Variants in SCFD2 observed in about 807,000 individuals in gnomAD.
SCFD2 encodes the protein sec1 family domain containing 2, also known as sec1 family domain-containing protein 2.
Under a neutral mutation model 58.9 loss-of-function variants are expected in SCFD2, and 54 were observed. The observed-to-expected ratio is 0.92, with a 90% CI of 0.74 to 1.15. The LOEUF (loss-of-function observed/expected upper bound fraction) is 1.15, where lower values mean the gene tolerates loss of function less well. Ranked by LOEUF, SCFD2 falls within the 50% of genes most tolerant of loss-of-function variation. The pLI is 0.00. For synonymous variants in SCFD2, 321 were observed against 335.9 expected (o/e 0.96, Z 0.49); for missense variants, 805 against 836.6 (o/e 0.96, Z 0.47).
intron 4 of SCFD2, among the ~76,000 whole-genome samples, chr4:53,151,081 A>C (rs1356885922): frequency 2.0e-5 from 3 of 152,206 alleles, no homozygotes; most frequent in Non-Finnish European, 4.4e-5. Context: ...GGTTGGAAAG[A>C]GAATTAGACC....
At chr4:52,922,228 A>G (rs1181294643) in intron 5 of SCFD2, among the ~76,000 whole-genome samples, 4 of 152,222 alleles carry the variant, frequency 2.6e-5, no homozygotes, top group Admixed American at 2.0e-4. Context: ...TTACCCATTT[A>G]AAGTATAAAA....
At chr4:53,314,605 G>A (rs1233150428) in intron 2 of SCFD2, among the ~76,000 whole-genome samples, 1 of 152,098 alleles carries the variant, frequency 6.6e-6, no homozygotes, top group Non-Finnish European at 1.5e-5. Flanking sequence ...TCCAATTAAA[G>A]CCCTACTCAC....
chr4:53,307,573 G>C (rs1258229804), intron 3 of SCFD2, among the ~76,000 whole-genome samples: 4 of 152,172 alleles, frequency 2.6e-5, no homozygotes, highest in Admixed American at 1.3e-4. Flanking sequence ...TTAACATACA[G>C]AATTGTTAAG....
chr4:53,302,213 G>T (rs1410523808), intron 3 of SCFD2, among the ~76,000 whole-genome samples: 1 of 152,142 alleles, frequency 6.6e-6, no homozygotes, highest in Non-Finnish European at 1.5e-5. Flanking sequence ...CATCATCTGA[G>T]CCCAAAATCT....
chr4:53,278,884 T>TAAAAAAAAAAAAAAAAAAAAAAAAA (rs1407598335), intron 3 of SCFD2, among the ~76,000 whole-genome samples: 1 of 111,470 alleles, frequency 9.0e-6, no homozygotes. Context: ...ACAGATGCTC[T>TAAAAAAAAAAAAAAAAAAAAAAAAA]AAAAAAAAAA....
intron 4 of SCFD2, among the ~76,000 whole-genome samples, chr4:53,153,277 A>G (rs1193027671): frequency 6.6e-6 from 1 of 152,184 alleles, no homozygotes; most frequent in African/African-American, 2.4e-5. Flanking sequence ...TTTCCAATAC[A>G]TCTTCTGAAA....
rs146155768 is a variant in SCFD2 at position 53,037,566 on chromosome 4, T to C, written c.1561+107767A>G. ...AATGAGTTTCAGCAATAATTTGAAA[T>C]GGAAACTTGATTCTGAGTACATTAT... On this transcript the variant is annotated intron_variant, in intron 5 of 8. Coordinates refer to ENST00000401642, the MANE Select transcript of SCFD2 (RefSeq NM_152540.4). Among the ~76,000 whole-genome samples, 189 of 152,246 alleles carry C rather than the reference T, an allele frequency of 1.2e-3. 1 individual carries two copies. The highest frequency in any genetic ancestry group is 4.3e-3 in the African/African-American group (180 of 41,548).
At chr4:53,263,037 T>C (rs2149056299) in intron 4 of SCFD2, among the ~76,000 whole-genome samples, 1 of 152,258 alleles carries the variant, frequency 6.6e-6, no homozygotes, top group South Asian at 2.1e-4. Context: ...GCTTGTTCAA[T>C]TTTATTGCTG....
intron 1 of SCFD2, among the ~76,000 whole-genome samples, chr4:53,358,963 T>G (rs963763160): frequency 1.4e-4 from 22 of 152,200 alleles, no homozygotes; most frequent in African/African-American, 5.3e-4. Context: ...ATTTAAGCCC[T>G]GAGTGCTTAT....
intron 5 of SCFD2, chr4:52,957,157 A>C (rs1373136071): frequency 6.6e-6 from 1 of 152,010 alleles, no homozygotes; most frequent in Non-Finnish European, 1.5e-5. Flanking sequence ...TGTAAACATA[A>C]GGGTTGGAAA....
intron 4 of SCFD2, among the ~76,000 whole-genome samples, chr4:53,255,225 A>ATTTATTTATTTAT (rs1454024490): frequency 1.4e-5 from 2 of 147,760 alleles, no homozygotes. Context: ...TTATTTATTT[A>ATTTATTTATTTAT]TTTTTTATGG....
intron 6 of SCFD2, among the ~76,000 whole-genome samples, chr4:52,914,287 T>C (rs1245286731): frequency 6.6e-6 from 1 of 152,050 alleles, no homozygotes; most frequent in South Asian, 2.1e-4. Context: ...ATAATGATTC[T>C]TGAATAATAA....
intron 5 of SCFD2, among the ~76,000 whole-genome samples, chr4:53,113,940 T>TGTAAGAAA (rs1725246972): frequency 6.6e-6 from 1 of 152,090 alleles, no homozygotes; most frequent in African/African-American, 2.4e-5. Context: ...TTCTCACTGT[T>TGTAAGAAA]TTAGTATAAT....
rs535636806 is a variant in SCFD2 at position 52,927,312 on chromosome 4, T to C, written c.1562-6442A>G. On this transcript the variant is annotated intron_variant, in intron 5 of 8. Transcript: ENST00000401642. ...TGATGACAGACTAAGGTAATTTTTT[T>C]TTTTTTAGTATTGTCTGCTGATTAG... is the stretch of plus-strand genomic sequence containing the variant. 2.0e-5 allele frequency among the ~76,000 whole-genome samples: 3 copies of C among 152,344 alleles called. No individual in the cohort carries two copies. The South Asian group carries it at 6.2e-4, about 32-fold the overall frequency.
chr4:53,072,926 C>A (rs1360997129), intron 5 of SCFD2, among the ~76,000 whole-genome samples: 1 of 152,066 alleles, frequency 6.6e-6, no homozygotes, highest in Non-Finnish European at 1.5e-5. Context: ...CTTCATTAGT[C>A]CCTGAGATGT....
At chr4:53,150,571 G>A (rs1343636217) in intron 4 of SCFD2, among the ~76,000 whole-genome samples, 1 of 152,196 alleles carries the variant, frequency 6.6e-6, no homozygotes. Flanking sequence ...TTTAAAGGCA[G>A]AAGATAGAAT....
At chr4:53,350,526 A>T (rs1734184510) in intron 2 of SCFD2, among the ~76,000 whole-genome samples, 1 of 152,190 alleles carries the variant, frequency 6.6e-6, no homozygotes, top group Non-Finnish European at 1.5e-5. Flanking sequence ...TTATTGCTTA[A>T]ATTAGCCAAA....
rs756696217 is a variant in SCFD2, at chr4:52,907,540, C to T, written c.1759G>A (p.Glu587Lys). The change falls in exon 7 of 9, where the codon GAG becomes AAG. Residue 587 changes from glutamate to lysine, a missense_variant. Physicochemically the swap from Glu to Lys is moderately conservative, Grantham distance 56. Around this residue, in one of 3 missense-constraint regions of SCFD2, gnomAD observed 633 missense variants for 646.8 expected, o/e 0.98. Transcript: ENST00000401642. ...TCAATATCAACGGAATCTGGCCTCT[C>T]GGGATGAAATATTTCCTCCACAACT... ...KQVVEEIFHP[E>K]RPDSVDIEHM... The T allele has an allele frequency of 1.9e-5, 31 of 1,613,920 alleles. No homozygotes were observed. The highest frequency in any genetic ancestry group is 9.9e-5 in the South Asian group (9 of 91,046).
chr4:53,007,350 G>C (rs1467931093), intron 5 of SCFD2, among the ~76,000 whole-genome samples: 1 of 119,616 alleles, frequency 8.4e-6, no homozygotes. Context: ...GAGAGAGAGA[G>C]AGAAAAGAAA....
Sources: allele counts gnomAD v4.1 joint callset (sites outside exome capture counted in the v4.1 genomes callset), GRCh38; gene constraint gnomAD v4.1.1; regional missense constraint gnomAD v4.1.1; transcripts MANE v1.5; gene names NCBI Gene and HGNC (gene_info 2026-07-23, HGNC 2026-07-21).